The following PRELID2 variants were observed in gnomAD, a reference collection of about 807,000 sequenced individuals.
PRELID2 encodes the protein PRELI domain-containing protein 2.
PRELID2 carries 25 observed loss-of-function variants against 28.4 expected under a neutral mutation model. The ratio of observed to expected loss-of-function variants is 0.88; its 90% CI spans 0.64 to 1.23. The LOEUF (loss-of-function observed/expected upper bound fraction) is 1.23. PRELID2 is among the 50% of genes most tolerant of loss of function. The pLI is 0.00. For missense variants in PRELID2, 201 were observed against 214.4 expected (o/e 0.94, Z 0.39); for synonymous variants, 76 against 71.6 (o/e 1.06, Z -0.31).
At chr5:145,259,407 G>A in the PRELID2 span, among the ~76,000 whole-genome samples, 2 of 152,162 alleles carry the variant, frequency 1.3e-5, no homozygotes, top group South Asian at 4.1e-4. Flanking sequence ...ATTAGCACCA[G>A]GGGCTGAACC....
chr5:145,278,140 G>T, the PRELID2 span, among the ~76,000 whole-genome samples: 20 of 152,100 alleles, frequency 1.3e-4, no homozygotes, highest in Non-Finnish European at 2.5e-4. Context: ...CTTGGTTTTT[G>T]AATCCTCACA....
rs1450043676 is a variant in PRELID2 at position 145,741,298 on chromosome 5, ATAT to A, written n.70+23630_70+23632del. On this transcript the variant is annotated intron_variant and non_coding_transcript_variant, in intron 1 of 2. Coordinates refer to the PRELID2 transcript ENST00000510259. The stretch of plus-strand genomic sequence containing the variant: ...TTTTATGTATATATAAATAAATTAT[ATAT>A]AAATAATTTATTTATAAATAAATTA... Among the ~76,000 whole-genome samples the A allele has an allele frequency of 1.1e-3, 111 of 101,256 alleles. 1 individual carries two copies. The highest frequency in any genetic ancestry group is 4.0e-3 in the African/African-American group (100 of 24,720). 66.4% of individuals were successfully genotyped at this position (101,256 alleles called of 152,430 possible). A position where few individuals can be genotyped will look rare whatever the true frequency, so the allele number is the denominator to read the frequency against.
chr5:145,533,090 G>A (rs922386286), intron 1 of PRELID2, among the ~76,000 whole-genome samples: 1 of 151,928 alleles, frequency 6.6e-6, no homozygotes, highest in South Asian at 2.1e-4. Flanking sequence ...AATGGGTCTT[G>A]ACCACATGGT....
intron 1 of PRELID2, among the ~76,000 whole-genome samples, chr5:145,739,613 T>G (rs1756594449): frequency 7.0e-6 from 1 of 142,396 alleles, no homozygotes; most frequent in Non-Finnish European, 1.5e-5. Flanking sequence ...AAATTATGTT[T>G]AATAATTGTA....
At chr5:145,680,821 T>G (rs902652948) in intron 1 of PRELID2, among the ~76,000 whole-genome samples, 27 of 151,596 alleles carry the variant, frequency 1.8e-4, no homozygotes, top group East Asian at 7.7e-4. Context: ...AAAAAAAGCG[T>G]ATAACAAGAC....
At chr5:145,718,001 C>T (rs1048507536) in intron 1 of PRELID2, among the ~76,000 whole-genome samples, 2 of 151,870 alleles carry the variant, frequency 1.3e-5, no homozygotes, top group South Asian at 2.1e-4. Context: ...CTTAAATAGT[C>T]ACCCTGGAGA....
chr5:145,533,805 G>A (rs1162856962), intron 1 of PRELID2, among the ~76,000 whole-genome samples: 1 of 152,050 alleles, frequency 6.6e-6, no homozygotes, highest in African/African-American at 2.4e-5. Context: ...CCAAATATTT[G>A]TATATTGGAC....
intron 1 of PRELID2, among the ~76,000 whole-genome samples, chr5:145,481,646 A>AAAAAAAAAAAAC (rs1752162406): frequency 7.0e-6 from 1 of 142,764 alleles, no homozygotes; most frequent in Admixed American, 7.0e-5. Flanking sequence ...AAAAAAAAAA[A>AAAAAAAAAAAAC]AAAAAAAGAA....
At chr5:145,777,867 T>G (rs1758514292) in intron 5 of PRELID2, among the ~76,000 whole-genome samples, 1 of 152,172 alleles carries the variant, frequency 6.6e-6, no homozygotes, top group Non-Finnish European at 1.5e-5. Context: ...GAAGTGCCTG[T>G]CCCTGCTGCC....
chr5:145,587,063 ATGT>A (rs1753163349), intron 1 of PRELID2, among the ~76,000 whole-genome samples: 1 of 152,138 alleles, frequency 6.6e-6, no homozygotes, highest in Non-Finnish European at 1.5e-5. Flanking sequence ...TATCAGACTA[ATGT>A]TGTGAATGAC....
intron 1 of PRELID2, among the ~76,000 whole-genome samples, chr5:145,745,259 G>A (rs1756957474): frequency 6.6e-6 from 1 of 152,178 alleles, no homozygotes; most frequent in South Asian, 2.1e-4. Context: ...AGGAGATGCG[G>A]AGCATGGAAA....
the PRELID2 span, among the ~76,000 whole-genome samples, chr5:145,417,205 T>G: frequency 6.6e-6 from 1 of 152,010 alleles, no homozygotes; most frequent in Non-Finnish European, 1.5e-5. Context: ...CAGGAAGAAA[T>G]TGAATCCCCA....
chr5:145,617,052 A>AGCCTAATAACCAACCTCC (rs1753708412), intron 1 of PRELID2, among the ~76,000 whole-genome samples: 1 of 152,198 alleles, frequency 6.6e-6, no homozygotes, highest in Non-Finnish European at 1.5e-5. Context: ...GAAGAGAAAT[A>AGCCTAATAACCAACCTCC]TGGCTCTGTT....
chr5:145,742,641 A>G (rs1756867683), intron 1 of PRELID2, among the ~76,000 whole-genome samples: 1 of 151,116 alleles, frequency 6.6e-6, no homozygotes, highest in Non-Finnish European at 1.5e-5. Context: ...TGCATACATT[A>G]TAAAATAAAA....
the PRELID2 span, among the ~76,000 whole-genome samples, chr5:145,406,727 C>T: frequency 6.6e-6 from 1 of 152,312 alleles, no homozygotes; most frequent in African/African-American, 2.4e-5. Flanking sequence ...CTGCAAACTC[C>T]ATGAGCTGAA....
the PRELID2 span, among the ~76,000 whole-genome samples, chr5:145,247,200 T>C: frequency 4.7e-4 from 72 of 152,250 alleles, no homozygotes; most frequent in Middle Eastern, 3.4e-3. Flanking sequence ...TTTGACCCCG[T>C]TTGATTCCAT....
At chr5:145,701,284 T>C (rs1308804607) in intron 1 of PRELID2, among the ~76,000 whole-genome samples, 1 of 152,188 alleles carries the variant, frequency 6.6e-6, no homozygotes, top group African/African-American at 2.4e-5. Context: ...CTGCCTCTCA[T>C]TTGACCCAAA....
the PRELID2 span, among the ~76,000 whole-genome samples, chr5:145,351,513 C>G: frequency 1.3e-5 from 2 of 152,150 alleles, no homozygotes; most frequent in Non-Finnish European, 2.9e-5. Flanking sequence ...GGGTCCCTCC[C>G]ACAATATGTG....
the PRELID2 span, among the ~76,000 whole-genome samples, chr5:145,407,642 A>G: frequency 1.8e-3 from 274 of 152,076 alleles, 1 homozygote; most frequent in African/African-American, 6.2e-3. Flanking sequence ...TTCCCCTTTA[A>G]CTCCTGTAGC....
Sources: allele counts gnomAD v4.1 joint callset (sites outside exome capture counted in the v4.1 genomes callset), GRCh38; gene constraint gnomAD v4.1.1; transcripts MANE v1.5; gene names NCBI Gene and HGNC (gene_info 2026-07-23, HGNC 2026-07-21).